The following NELL1 variants were observed in gnomAD, a reference collection of about 807,000 sequenced individuals.
The protein encoded by NELL1 is neural EGFL like 1, also known as protein kinase C-binding protein NELL1.
In NELL1, 76 loss-of-function variants were observed where a neutral mutation model predicts 107.4. The observed-to-expected ratio is 0.71, with a 90% CI of 0.59 to 0.86. NELL1 has a LOEUF of 0.86. Among genes scored for constraint, NELL1 ranks in the 40% least tolerant of loss-of-function variants. The pLI is 0.00. For synonymous variants in NELL1, 353 were observed against 341.2 expected, an observed-to-expected ratio of 1.03 and a Z score of -0.38; for missense variants, 1,024 against 1,005.5, an observed-to-expected ratio of 1.02 and a Z score of -0.25.
chr11:21,152,719 A>G lies in NELL1; in HGVS notation c.1426+39005A>G, dbSNP rs115711001. Among the ~76,000 whole-genome samples, 1,461 of 152,272 alleles carry G rather than the reference A, an allele frequency of 9.6e-3. 20 individuals carry two copies. The highest frequency in any genetic ancestry group is 0.033 in the African/African-American group (1,377 of 41,556). On this transcript the variant is annotated intron_variant, in intron 13 of 19. Coordinates refer to ENST00000357134, the MANE Select transcript of NELL1 (RefSeq NM_006157.5). ...CCCTCATATGAGTTTCTTTTTAATT[A>G]AACAAAAATATACATATAGAAAATT...
intron 13 of NELL1, among the ~76,000 whole-genome samples, chr11:21,179,025 A>T (rs1322759217): frequency 6.6e-6 from 1 of 151,740 alleles, no homozygotes; most frequent in Non-Finnish European, 1.5e-5. Flanking sequence ...GCACTTAAAA[A>T]ACTTTTTCGA....
intron 2 of NELL1, among the ~76,000 whole-genome samples, chr11:20,691,608 C>A (rs1488213941): frequency 6.6e-6 from 1 of 152,040 alleles, no homozygotes; most frequent in Non-Finnish European, 1.5e-5. Flanking sequence ...ATATATTGAA[C>A]CAGCCTTGCA....
chr11:21,095,931 C>A (rs892528634), intron 12 of NELL1, among the ~76,000 whole-genome samples: 10 of 152,188 alleles, frequency 6.6e-5, no homozygotes, highest in African/African-American at 2.2e-4. Flanking sequence ...ACATGGATGG[C>A]AGCAGGCAAA....
At chr11:21,241,041 C>A (rs1011978967) in intron 14 of NELL1, among the ~76,000 whole-genome samples, 2 of 151,952 alleles carry the variant, frequency 1.3e-5, no homozygotes, top group Admixed American at 1.3e-4. Context: ...TCTGAAATGA[C>A]CCATAAGATT....
intron 4 of NELL1, among the ~76,000 whole-genome samples, chr11:20,865,183 T>A (rs7105891): frequency 0.65 from 98,437 of 152,064 alleles, 33,376 homozygotes; most frequent in Non-Finnish European, 0.76. Context: ...TAGATTTCAG[T>A]TTCTAGAGAT....
chr11:21,447,992 G>A (rs1481700500), intron 15 of NELL1, among the ~76,000 whole-genome samples: 1 of 152,198 alleles, frequency 6.6e-6, no homozygotes, highest in African/African-American at 2.4e-5. Flanking sequence ...AGTGTTGGCA[G>A]CACTGAATTC....
At chr11:21,107,474 C>A (rs942456447) in intron 12 of NELL1, among the ~76,000 whole-genome samples, 1 of 152,182 alleles carries the variant, frequency 6.6e-6, no homozygotes, top group South Asian at 2.1e-4. Context: ...AGTTATCTTA[C>A]CAGTCCATGA....
chr11:21,455,875 CTT>C (rs59224815), intron 15 of NELL1, among the ~76,000 whole-genome samples: 86,059 of 144,044 alleles, frequency 0.6, 26,588 homozygotes, highest in Middle Eastern at 0.81. Flanking sequence ...TCTTTCTTTT[CTT>C]TTTTTTTTTT....
At chr11:20,870,985 A>C (rs947088568) in intron 4 of NELL1, among the ~76,000 whole-genome samples, 1 of 152,260 alleles carries the variant, frequency 6.6e-6, no homozygotes, top group Non-Finnish European at 1.5e-5. Flanking sequence ...ATTAAAAAAC[A>C]ATCAAGTTTG....
At chr11:21,222,411 T>C (rs951293654) in intron 13 of NELL1, among the ~76,000 whole-genome samples, 17 of 151,654 alleles carry the variant, frequency 1.1e-4, no homozygotes, top group Admixed American at 1.1e-3. Flanking sequence ...TTAGCCAGGA[T>C]GGTCTCGATC....
At chr11:20,769,507 T>C (rs1292650825) in intron 2 of NELL1, 1 of 152,244 alleles carries the variant, frequency 6.6e-6, no homozygotes, top group African/African-American at 2.4e-5. Flanking sequence ...TGGCCAGATA[T>C]TTCTCTCCAG....
chr11:21,440,973 T>C lies in NELL1; in HGVS notation c.1645+70025T>C, dbSNP rs139434591. Among the ~76,000 whole-genome samples the C allele has an allele frequency of 5.0e-3, 762 of 152,300 alleles. 2 individuals carry two copies. The highest frequency in any genetic ancestry group is 0.014 in the Middle Eastern group (4 of 294). On this transcript the variant is annotated intron_variant, in intron 15 of 19. Coordinates refer to ENST00000357134, the MANE Select transcript of NELL1 (RefSeq NM_006157.5). ...TTACCTGAGTATGTTATTGAATATC[T>C]GTAAAACGTATGAAAAGAAAGAAAT...
At chr11:21,070,840 G>A (rs1565043950) in intron 12 of NELL1, among the ~76,000 whole-genome samples, 2 of 152,140 alleles carry the variant, frequency 1.3e-5, no homozygotes, top group South Asian at 2.1e-4. Flanking sequence ...TTAAGTATGA[G>A]TGACCTTAGC....
intron 12 of NELL1, among the ~76,000 whole-genome samples, chr11:21,068,191 G>A (rs2134374322): frequency 6.6e-6 from 1 of 152,154 alleles, no homozygotes; most frequent in Middle Eastern, 3.4e-3. Context: ...CTGGATGAAT[G>A]GAGGTCTTTG....
At chr11:20,866,212 C>G (rs1849093022) in intron 4 of NELL1, among the ~76,000 whole-genome samples, 1 of 152,164 alleles carries the variant, frequency 6.6e-6, no homozygotes, top group Non-Finnish European at 1.5e-5. Flanking sequence ...GCATTCAGGT[C>G]CCCAGATGGG....
Position 20,708,561 on chromosome 11 carries a change from G to T in NELL1, c.184+30501G>T, listed in dbSNP as rs563215831. Among the ~76,000 whole-genome samples, 11 of 152,038 alleles carry T rather than the reference G, an allele frequency of 7.2e-5. No homozygotes were observed. In the East Asian group the frequency reaches 1.7e-3, roughly 24 times the overall value. On this transcript the variant is annotated intron_variant, in intron 2 of 19. Coordinates refer to ENST00000357134, the MANE Select transcript of NELL1 (RefSeq NM_006157.5). ...TATTCATGTCCTTTGCTTACTTTTTGATGGTATTATTTGCTTTTTTTCTTG... is the reference window on the plus strand; with the variant it reads ...TATTCATGTCCTTTGCTTACTTTTTTATGGTATTATTTGCTTTTTTTCTTG...
At position 21,247,596 on chromosome 11, in the gene NELL1, C is replaced by A. The variant is rs78085234; in HGVS notation, c.1549+18142C>A. On this transcript the variant is annotated intron_variant, in intron 14 of 19. Transcript: ENST00000357134. ...GGTGTCATCTCCAATGGTAACAGTG[C>A]CTTATTCTGGAATATCTCCTGAAGG... Among the ~76,000 whole-genome samples the A allele has an allele frequency of 5.7e-3, 866 of 152,198 alleles. 10 individuals carry two copies. The highest frequency in any genetic ancestry group is 0.02 in the African/African-American group (818 of 41,514).
intron 14 of NELL1, among the ~76,000 whole-genome samples, chr11:21,359,563 C>T (rs998884795): frequency 6.6e-6 from 1 of 152,134 alleles, no homozygotes; most frequent in Non-Finnish European, 1.5e-5. Context: ...GGAATAGTTT[C>T]AGTGAGATTG....
chr11:21,553,042 T>A (rs1156989234), intron 16 of NELL1, among the ~76,000 whole-genome samples: 1 of 151,932 alleles, frequency 6.6e-6, no homozygotes, highest in Non-Finnish European at 1.5e-5. Context: ...AGAATTGCTG[T>A]ATTGACAATG....
Sources: allele counts gnomAD v4.1 joint callset (sites outside exome capture counted in the v4.1 genomes callset), GRCh38; gene constraint gnomAD v4.1.1; transcripts MANE v1.5; gene names NCBI Gene and HGNC (gene_info 2026-07-23, HGNC 2026-07-21).